The following TOX variants were observed in gnomAD, a reference collection of about 807,000 sequenced individuals.
TOX encodes the protein thymocyte selection associated high mobility group box, also known as thymocyte selection-associated high mobility group box protein TOX.
In TOX, 11 loss-of-function variants were observed where a neutral mutation model predicts 53.7. The ratio of observed to expected loss-of-function variants is 0.20; its 90% confidence interval spans 0.13 to 0.34. The LOEUF (loss-of-function observed/expected upper bound fraction) is 0.34. Ranked by LOEUF, TOX falls within the 10% of genes least tolerant of loss-of-function variation. TOX has a pLI of 1.00. For synonymous variants in TOX, 225 were observed against 245.3 expected (o/e 0.92, Z 0.77); for missense variants, 570 against 664.6 (o/e 0.86, Z 1.56).
intron 1 of TOX, among the ~76,000 whole-genome samples, chr8:59,037,298 A>T (rs75892427): frequency 3.3e-5 from 5 of 150,916 alleles, no homozygotes; most frequent in Non-Finnish European, 2.9e-5. Context: ...CTAACTTTTT[A>T]AATATATTTT....
At chr8:59,017,884 T>A (rs1265667366) in intron 1 of TOX, among the ~76,000 whole-genome samples, 1 of 152,148 alleles carries the variant, frequency 6.6e-6, no homozygotes, top group African/African-American at 2.4e-5. Flanking sequence ...ATAAGGTGAA[T>A]GGAAAAACAG....
chr8:58,986,854 G>C (rs1173152189), intron 1 of TOX, among the ~76,000 whole-genome samples: 1 of 152,164 alleles, frequency 6.6e-6, no homozygotes, highest in African/African-American at 2.4e-5. Flanking sequence ...GACAGAAAAA[G>C]GGCTGAATAA....
rs1491588338 is a variant in TOX, at chr8:58,873,958, C to CTCTTTTTTTTTTT, written c.412-22154_412-22153insAAAAAAAAAAAGA. ...AATACACATCCTGAATGCCAGGAAG[C>CTCTTTTTTTTTTT]TTTTTTTTTTTTTTTTTTTTTTTTT... is the stretch of plus-strand genomic sequence containing the variant. On this transcript the variant is annotated intron_variant, in intron 3 of 8. Coordinates refer to ENST00000361421, the MANE Select transcript of TOX (RefSeq NM_014729.3). Among the ~76,000 whole-genome samples the CTCTTTTTTTTTTT allele has an allele frequency of 1.7e-4, 7 of 40,128 alleles. 1 individual carries two copies. The highest frequency in any genetic ancestry group is 1.0e-3 in the African/African-American group (6 of 5,784). 26.3% of individuals were successfully genotyped at this position (40,128 alleles called of 152,430 possible).
At chr8:59,089,054 C>T (rs1356532795) in intron 1 of TOX, among the ~76,000 whole-genome samples, 1 of 152,098 alleles carries the variant, frequency 6.6e-6, no homozygotes, top group Admixed American at 6.5e-5. Context: ...AATAGTTCTC[C>T]ATGACAAATT....
chr8:58,986,083 T>A (rs1016964927), intron 1 of TOX, among the ~76,000 whole-genome samples: 2 of 152,212 alleles, frequency 1.3e-5, no homozygotes, highest in Non-Finnish European at 1.5e-5. Context: ...TGCACTTTCA[T>A]AAACTCATTT....
intron 1 of TOX, among the ~76,000 whole-genome samples, chr8:58,982,480 C>A (rs1488800469): frequency 6.6e-6 from 1 of 152,204 alleles, no homozygotes; most frequent in Non-Finnish European, 1.5e-5. Context: ...CAAGGCTCAA[C>A]TCTTCTTCCC....
At chr8:58,996,083 T>A (rs1465681400) in intron 1 of TOX, among the ~76,000 whole-genome samples, 1 of 152,198 alleles carries the variant, frequency 6.6e-6, no homozygotes, top group African/African-American at 2.4e-5. Context: ...GTTTTACTCT[T>A]TCTGACAAGC....
At chr8:59,036,841 C>T (rs1337776999) in intron 1 of TOX, among the ~76,000 whole-genome samples, 2 of 152,134 alleles carry the variant, frequency 1.3e-5, no homozygotes, top group African/African-American at 2.4e-5. Flanking sequence ...TTTATTTTTG[C>T]AGATAATAAG....
intron 1 of TOX, among the ~76,000 whole-genome samples, chr8:59,025,352 T>C (rs2129419671): frequency 6.6e-6 from 1 of 152,290 alleles, no homozygotes; most frequent in Middle Eastern, 3.4e-3. Flanking sequence ...GTTTATTTAA[T>C]TCACTAGAGA....
At chr8:58,934,717 T>C (rs1812315737) in intron 3 of TOX, among the ~76,000 whole-genome samples, 1 of 152,238 alleles carries the variant, frequency 6.6e-6, no homozygotes, top group African/African-American at 2.4e-5. Context: ...AATAACTCTT[T>C]TGGAAAGTCT....
At chr8:59,053,094 T>C (rs919982293) in intron 1 of TOX, among the ~76,000 whole-genome samples, 4 of 152,190 alleles carry the variant, frequency 2.6e-5, no homozygotes, top group Non-Finnish European at 4.4e-5. Context: ...AAAGAAATCA[T>C]ATATACAATC....
chr8:58,972,369 C>CA (rs1469764153), intron 1 of TOX, among the ~76,000 whole-genome samples: 1 of 152,122 alleles, frequency 6.6e-6, no homozygotes, highest in Non-Finnish European at 1.5e-5. Flanking sequence ...TCTCTTAATT[C>CA]ATACAGAAAA....
rs1563452315 is a variant in TOX, at chr8:59,118,840, G to A, written c.102+46C>T. On this transcript the variant is annotated intron_variant, in intron 1 of 8. Coordinates refer to ENST00000361421, the MANE Select transcript of TOX (RefSeq NM_014729.3). This position sits in a 1 kb window ranked among gnomAD's most constrained non-coding sequence, Gnocchi z 4.1. Reference sequence around the variant, plus strand: ...CCCGGCCACCGCCGCTCCCCTCCCAGGATCAAGCAGCAAGAACACGGTGGA... The same window carrying A: ...CCCGGCCACCGCCGCTCCCCTCCCAAGATCAAGCAGCAAGAACACGGTGGA... 6.7e-6 allele frequency: 10 copies of A among 1,490,376 alleles called. No individual in the cohort carries two copies. The highest frequency in any genetic ancestry group is 3.9e-5 in the Admixed American group (2 of 51,172). The allele number at this position is 1,490,376 out of a possible 1,614,324, so 92.3% of individuals were successfully genotyped here.
At chr8:58,908,541 C>G (rs1811857905) in intron 3 of TOX, among the ~76,000 whole-genome samples, 1 of 152,204 alleles carries the variant, frequency 6.6e-6, no homozygotes, top group Non-Finnish European at 1.5e-5. Flanking sequence ...TCTTGAAAGG[C>G]ATTCTTGAAT....
intron 1 of TOX, among the ~76,000 whole-genome samples, chr8:59,086,426 T>C (rs1412222284): frequency 6.6e-6 from 1 of 152,208 alleles, no homozygotes; most frequent in Non-Finnish European, 1.5e-5. Context: ...TCCGGCCTAA[T>C]AAGTTTGCTT....
In TOX at chr8:58,851,396, T is replaced by C. The variant is rs1442917064; in HGVS notation, c.693+128A>G. The C allele has an allele frequency of 9.4e-7, 1 of 1,066,134 alleles. No individual in the cohort carries two copies. The highest frequency in any genetic ancestry group is 2.3e-5 in the Admixed American group (1 of 43,356). The allele number at this position is 1,066,134 out of a possible 1,614,324, so 66.0% of individuals were successfully genotyped here. On this transcript the variant is annotated intron_variant, in intron 4 of 8. Transcript: ENST00000361421. The surrounding 1 kb of genome is among the most constrained non-coding windows in gnomAD (Gnocchi z 4.4). ...ATCCAGTATGTTTGTAACCTCATGCTTCATTAACAAAGCAGGTGTCTCCCT... is the reference window on the plus strand; with the variant it reads ...ATCCAGTATGTTTGTAACCTCATGCCTCATTAACAAAGCAGGTGTCTCCCT...
intron 3 of TOX, among the ~76,000 whole-genome samples, chr8:58,915,151 G>A (rs1274307452): frequency 6.6e-6 from 1 of 151,682 alleles, no homozygotes; most frequent in African/African-American, 2.4e-5. Flanking sequence ...GCCCAGGCTT[G>A]CTTAGGTAAA....
At position 59,119,046 on chromosome 8, in the gene TOX, C is replaced by T. The variant is rs1805163750; in HGVS notation, c.-59G>A. The T allele has an allele frequency of 2.4e-6, 3 of 1,246,564 alleles. No individual in the cohort carries two copies. In the South Asian group the frequency reaches 3.8e-5, roughly 16 times the overall value. The allele number at this position is 1,246,564 out of a possible 1,614,324, so 77.2% of individuals were successfully genotyped here. A position where few individuals can be genotyped will look rare whatever the true frequency, so the allele number is the denominator to read the frequency against. ...TCCTTTTTTAAAAAAAAGTGTTCAGCAAAACAAGCTTAGACGGAACAGAGT... is the reference window on the plus strand; with the variant it reads ...TCCTTTTTTAAAAAAAAGTGTTCAGTAAAACAAGCTTAGACGGAACAGAGT... On this transcript the variant is annotated 5_prime_UTR_variant, in exon 1 of 9. Coordinates refer to ENST00000361421, the MANE Select transcript of TOX (RefSeq NM_014729.3).
chr8:58,983,126 G>T (rs1438096876), intron 1 of TOX, among the ~76,000 whole-genome samples: 1 of 152,174 alleles, frequency 6.6e-6, no homozygotes, highest in Non-Finnish European at 1.5e-5. Context: ...TTCACTGTCT[G>T]CCTGAAATAT....
Sources: gnomAD v4.1 joint callset for allele counts (sites outside exome capture counted in the v4.1 genomes callset) on GRCh38, gnomAD v4.1.1 for gene constraint, Gnocchi (gnomAD v3.1) non-coding constraint, MANE v1.5 for transcripts, NCBI Gene and HGNC (gene_info 2026-07-23, HGNC 2026-07-21) for gene names.